Variants in MDM2 observed in about 807,000 individuals in gnomAD.
MDM2 encodes E3 ubiquitin-protein ligase Mdm2.
MDM2 carries 11 observed loss-of-function variants against 64.3 expected under a neutral mutation model. The ratio of observed to expected loss-of-function variants is 0.17; its 90% CI spans 0.11 to 0.28. MDM2 has a LOEUF of 0.28. Among genes scored for constraint, MDM2 ranks in the 10% least tolerant of loss-of-function variants. The probability of loss-of-function intolerance (pLI) is 1.00; values close to 1 mark genes in which losing one functional copy is unlikely to be tolerated. For missense variants in MDM2, 388 were observed against 577.1 expected, an observed-to-expected ratio of 0.67 and a Z score of 3.36; for synonymous variants, 194 against 192.9, an observed-to-expected ratio of 1.01 and a Z score of -0.05.
At chr12:68,828,146 G>A (rs1882490325) in intron 7 of MDM2, 1 of 151,880 alleles carries the variant, frequency 6.6e-6, no homozygotes, top group Admixed American at 6.6e-5. Flanking sequence ...AAAAAGTGTA[G>A]GGTACTGAAG....
chr12:68,842,079 C>CTTT lies in MDM2; in HGVS notation c.*2231_*2232insTTT, dbSNP rs2136185242. ...AAAAGGTTAGGTGGACTAAAGCATTCTGTAAAGCAACTGCTAATAATGAGC... is the reference window on the plus strand; with the variant it reads ...AAAAGGTTAGGTGGACTAAAGCATTCTTTTGTAAAGCAACTGCTAATAATGAGC... On this transcript the variant is annotated 3_prime_UTR_variant, in exon 11 of 11. Transcript: ENST00000258149. 1 of 413,416 alleles carries CTTT rather than the reference C, an allele frequency of 2.4e-6. No individual in the cohort carries two copies. The highest frequency in any genetic ancestry group is 4.6e-6 in the Non-Finnish European group (1 of 215,524). The allele number at this position is 413,416 out of a possible 1,614,324, so 25.6% of individuals were successfully genotyped here.
intron 1 of MDM2, chr12:68,808,985 C>T (rs1592564228): frequency 7.0e-7 from 1 of 1,430,250 alleles, no homozygotes; most frequent in African/African-American, 1.4e-5. Context: ...TTGTCTCCAG[C>T]TGGGGCTATT....
Position 68,808,275 on chromosome 12 carries a change from G to A in MDM2, c.-203G>A, listed in dbSNP as rs1482909959. On this transcript the variant is annotated 5_prime_UTR_variant, in exon 1 of 11. Coordinates refer to ENST00000258149, the MANE Select transcript of MDM2 (RefSeq NM_002392.6). The stretch of plus-strand genomic sequence containing the variant: ...GAGCAAGAAGCCGAGCCCGAGGGGC[G>A]GCCGCGACCCCTCTGACCGAGATCC... 3.2e-6 allele frequency: 2 copies of A among 624,412 alleles called. No individual in the cohort carries two copies. The highest frequency in any genetic ancestry group is 5.6e-6 in the Non-Finnish European group (2 of 359,934). The allele number at this position is 624,412 out of a possible 1,614,324, so 38.7% of individuals were successfully genotyped here. A position where few individuals can be genotyped will look rare whatever the true frequency, so the allele number is the denominator to read the frequency against.
chr12:68,837,411 G>C (rs1017947526), intron 10 of MDM2, among the ~76,000 whole-genome samples: 1 of 151,332 alleles, frequency 6.6e-6, no homozygotes, highest in Non-Finnish European at 1.5e-5. Flanking sequence ...CCAGGCTGGA[G>C]TGCAGTGATG....
At position 68,840,008 on chromosome 12, in the gene MDM2, G is replaced by T; in HGVS notation, c.*159G>T. 1.6e-6 allele frequency: 1 copy of T among 614,434 alleles called. No individual in the cohort carries two copies. Among genetic ancestry groups the T allele is most frequent in the Admixed American group, 3.3e-5 (1 of 30,282 alleles). The allele number at this position is 614,434 out of a possible 1,614,324, so 38.1% of individuals were successfully genotyped here. A position where few individuals can be genotyped will look rare whatever the true frequency, so the allele number is the denominator to read the frequency against. On this transcript the variant is annotated 3_prime_UTR_variant, in exon 11 of 11. Coordinates refer to ENST00000258149, the MANE Select transcript of MDM2 (RefSeq NM_002392.6). ...TGACCTACTTTGGTAGTGGAATAGT[G>T]AATACTTACTATAATTTGACTTGAA...
Position 68,839,777 on chromosome 12 carries a change from A to G in MDM2, c.1422A>G (p.Leu474=). Residue 474 remains leucine (L), a synonymous_variant, in exon 11 of 11, where the codon CTA becomes CTG. Coordinates refer to ENST00000258149, the MANE Select transcript of MDM2 (RefSeq NM_002392.6). ...LMACFTCAKK[L]KKRNKPCPVC... ...CCTGCTTTACATGTGCAAAGAAGCT[A>G]AAGAAAAGGAATAAGCCCTGCCCAG... is the stretch of plus-strand genomic sequence containing the variant. The G allele has an allele frequency of 6.2e-7, 1 of 1,614,146 alleles. No homozygotes were observed. The highest frequency in any genetic ancestry group is 8.5e-7 in the Non-Finnish European group (1 of 1,180,032).
At chr12:68,818,740 T>C (rs1404551081) in intron 4 of MDM2, among the ~76,000 whole-genome samples, 1 of 151,742 alleles carries the variant, frequency 6.6e-6, no homozygotes, top group Non-Finnish European at 1.5e-5. Context: ...TCTTTACCTA[T>C]TGAATATTGA....
At position 68,842,778 on chromosome 12, in the gene MDM2, A is replaced by G; in HGVS notation, c.*2929A>G. ...TAAGGAACCAACAGTTTGTATGAAA[A>G]TAGCTCAAATAATATCTTTTATTTT... On this transcript the variant is annotated 3_prime_UTR_variant, in exon 11 of 11. Coordinates refer to ENST00000258149, the MANE Select transcript of MDM2 (RefSeq NM_002392.6). The G allele has an allele frequency of 5.2e-6, 1 of 192,664 alleles. No homozygotes were observed. 11.9% of individuals were successfully genotyped at this position (192,664 alleles called of 1,614,324 possible).
Position 68,808,294 on chromosome 12 carries a change from G to C in MDM2, c.-184G>C, listed in dbSNP as rs1880534360. The C allele has an allele frequency of 2.8e-6, 2 of 722,758 alleles. No homozygotes were observed. Among genetic ancestry groups the C allele is most frequent in the South Asian group, 1.7e-5 (1 of 59,360 alleles). 44.8% of individuals were successfully genotyped at this position (722,758 alleles called of 1,614,324 possible). ...AGGGGCGGCCGCGACCCCTCTGACC[G>C]AGATCCTGCTGCTTTCGCAGCCAGG... On this transcript the variant is annotated 5_prime_UTR_variant, in exon 1 of 11. Coordinates refer to ENST00000258149, the MANE Select transcript of MDM2 (RefSeq NM_002392.6).
At chr12:68,839,230 T>C in intron 10 of MDM2, 44 bp from the exon 11 acceptor site, 1 of 1,570,476 alleles carries the variant, frequency 6.4e-7, no homozygotes, top group South Asian at 1.2e-5. Context: ...GACTGAGCAG[T>C]TAAAGGGTTA....
chr12:68,830,899 C>A (rs1882739207), intron 8 of MDM2, among the ~76,000 whole-genome samples: 1 of 152,098 alleles, frequency 6.6e-6, no homozygotes, highest in African/African-American at 2.4e-5. Flanking sequence ...TGGGGTTTCA[C>A]TATGTTGGCC....
chr12:68,813,460 TCCCC>T, intron 2 of MDM2, 90 bp from the exon 3 acceptor site: 1 of 779,766 alleles, frequency 1.3e-6, no homozygotes, highest in Admixed American at 2.4e-5. Flanking sequence ...TTTTTCCAAA[TCCCC>T]TTTATTGAAC....
intron 3 of MDM2, 25 bp from the exon 4 acceptor site, chr12:68,816,787 C>T: frequency 6.4e-7 from 1 of 1,555,352 alleles, no homozygotes. Flanking sequence ...TTCTTTAATG[C>T]TCAGAAATCA....
intron 4 of MDM2, among the ~76,000 whole-genome samples, chr12:68,817,303 A>G (rs189991901): frequency 4.6e-5 from 7 of 152,372 alleles, no homozygotes; most frequent in African/African-American, 1.4e-4. Flanking sequence ...AAAGCATTCA[A>G]GTATTAGCTG....
At chr12:68,809,083 C>T (rs1172579416) in intron 1 of MDM2, 125 bp from the exon 2 acceptor site, 8 of 1,510,720 alleles carry the variant, frequency 5.3e-6, no homozygotes, top group Admixed American at 4.3e-5. Flanking sequence ...CTCTGCTGAT[C>T]CAGGTAAGCA....
chr12:68,841,862 A>G lies in MDM2; in HGVS notation c.*2013A>G, dbSNP rs1883795518. 4.6e-6 allele frequency: 1 copy of G among 215,072 alleles called. No homozygotes were observed. Among genetic ancestry groups the G allele is most frequent in the African/African-American group, 2.3e-5 (1 of 44,178 alleles). The allele number at this position is 215,072 out of a possible 1,614,324, so 13.3% of individuals were successfully genotyped here. ...CAGGGTCAGCATGTGGAATTCCAAG[A>G]TACCTCTTGACTTCCTCTCAAGCTC... On this transcript the variant is annotated 3_prime_UTR_variant, in exon 11 of 11. Transcript: ENST00000258149.
chr12:68,812,795 G>T (rs1881022899), intron 2 of MDM2, among the ~76,000 whole-genome samples: 1 of 152,106 alleles, frequency 6.6e-6, no homozygotes, highest in Admixed American at 6.5e-5. Context: ...ATGCAACCAT[G>T]CCCGTTGGTT....
intron 5 of MDM2, among the ~76,000 whole-genome samples, chr12:68,823,591 GT>G (rs1472551434): frequency 6.6e-6 from 1 of 152,010 alleles, no homozygotes; most frequent in African/African-American, 2.4e-5. Context: ...ATAGTTTTTA[GT>G]TTGTATTATT....
chr12:68,813,514 T>C (rs560060614), intron 2 of MDM2, 40 bp from the exon 3 acceptor site: 3 of 1,418,468 alleles, frequency 2.1e-6, no homozygotes, highest in South Asian at 2.4e-5. Flanking sequence ...AGTTCTGGGA[T>C]AATTTTGGAA....
Sources: gnomAD v4.1 joint callset for allele counts (sites outside exome capture counted in the v4.1 genomes callset) on GRCh38, gnomAD v4.1.1 for gene constraint, MANE v1.5 for transcripts, NCBI Gene and HGNC (gene_info 2026-07-23, HGNC 2026-07-21) for gene names.